Variants in LRBA observed in about 807,000 individuals in gnomAD.
LRBA encodes the protein lipopolysaccharide-responsive and beige-like anchor protein.
LRBA carries 176 observed loss-of-function variants against 330.0 expected under a neutral mutation model. The ratio of observed to expected loss-of-function variants is 0.53; its 90% CI spans 0.47 to 0.60. LRBA has a LOEUF of 0.60. Ranked by LOEUF, LRBA falls within the 20% of genes least tolerant of loss-of-function variation. The probability of loss-of-function intolerance (pLI) is 0.00; values close to 1 mark genes in which losing one functional copy is unlikely to be tolerated. For synonymous variants in LRBA, 1,230 were observed against 1,193.0 expected (o/e 1.03, Z -0.64); for missense variants, 3,259 against 3,444.8 (o/e 0.95, Z 1.35).
rs182578963 is a variant in LRBA, at chr4:150,832,619, A to C, written c.4570-643T>G. Among the ~76,000 whole-genome samples, 298 of 152,312 alleles carry C rather than the reference A, an allele frequency of 2.0e-3. 3 individuals are homozygous for C. Among genetic ancestry groups the C allele is most frequent in the African/African-American group, 6.8e-3 (281 of 41,576 alleles). On this transcript the variant is annotated intron_variant, in intron 28 of 56. Transcript: ENST00000651943. ...TATCTCAATCAAGCAATCAATCAAT[A>C]AATAAATAAACAATGATATGAGGAT...
chr4:150,963,485 T>C (rs1445989288), intron 2 of LRBA, among the ~76,000 whole-genome samples: 2 of 149,602 alleles, frequency 1.3e-5, no homozygotes, highest in Non-Finnish European at 2.9e-5. Flanking sequence ...GTTCACTCAG[T>C]GCTCAATGGT....
intron 11 of LRBA, among the ~76,000 whole-genome samples, chr4:150,907,910 A>C (rs1046957079): frequency 1.2e-4 from 18 of 152,148 alleles, no homozygotes; most frequent in African/African-American, 4.3e-4. Context: ...TTCCAATTAC[A>C]TAAATGCAAT....
In LRBA at chr4:150,897,753, G is replaced by T. The variant is rs1454792099; in HGVS notation, c.1990C>A (p.Gln664Lys). The T allele has an allele frequency of 1.2e-6, 2 of 1,611,038 alleles. No homozygotes were observed. Among genetic ancestry groups the T allele is most frequent in the Admixed American group, 3.3e-5 (2 of 59,960 alleles). The change falls in exon 15 of 57, where the codon CAA (glutamine) becomes AAA (lysine). Residue 664 changes from glutamine to lysine, a missense_variant. Coordinates refer to ENST00000651943, the MANE Select transcript of LRBA (RefSeq NM_001364905.1). ...CGTGAACTCACCTTCATCACTAATT[G>T]CTTAATGAACATCAACAAGAATGCT... ...LRAFLLMFIK[Q>K]LVMKDSGVKE...
At chr4:150,576,288 G>T (rs184790028) in intron 40 of LRBA, among the ~76,000 whole-genome samples, 1 of 151,580 alleles carries the variant, frequency 6.6e-6, no homozygotes, top group East Asian at 1.9e-4. Flanking sequence ...GTAAATAAAA[G>T]AATGTAGTGT....
rs551421759 is a variant in LRBA at position 150,318,159 on chromosome 4, A to G, written c.7631-2536T>C. ...TTTATGACCACCTCTCCCCTCTTTCATTAGAGCAGGAAAGTTGGGACCTGG... is the reference window on the plus strand; with the variant it reads ...TTTATGACCACCTCTCCCCTCTTTCGTTAGAGCAGGAAAGTTGGGACCTGG... On this transcript the variant is annotated intron_variant, in intron 50 of 56. Transcript: ENST00000651943. Among the ~76,000 whole-genome samples, 31 of 152,210 alleles carry G rather than the reference A, an allele frequency of 2.0e-4. No homozygotes were observed. In the East Asian group the frequency reaches 6.0e-3, roughly 29 times the overall value.
intron 54 of LRBA, among the ~76,000 whole-genome samples, chr4:150,284,962 T>A (rs924737798): frequency 6.6e-6 from 1 of 152,238 alleles, no homozygotes; most frequent in Non-Finnish European, 1.5e-5. Flanking sequence ...ACCTGTAATA[T>A]ATAATAGGTT....
intron 44 of LRBA, among the ~76,000 whole-genome samples, chr4:150,458,288 C>T (rs1489243376): frequency 6.6e-6 from 1 of 151,884 alleles, no homozygotes; most frequent in Non-Finnish European, 1.5e-5. Flanking sequence ...TGCCTTATAA[C>T]ATCCATATAC....
intron 37 of LRBA, among the ~76,000 whole-genome samples, chr4:150,600,613 T>A (rs1004084011): frequency 6.6e-6 from 1 of 152,006 alleles, no homozygotes; most frequent in Non-Finnish European, 1.5e-5. Flanking sequence ...GTAATCAAAA[T>A]GTAATACAAA....
intron 4 of LRBA, among the ~76,000 whole-genome samples, chr4:150,922,018 C>T (rs371392864): frequency 4.3e-4 from 65 of 152,018 alleles, no homozygotes; most frequent in Admixed American, 1.1e-3. Flanking sequence ...CCACTGTGCC[C>T]GGCCTATATT....
At chr4:150,419,354 C>G (rs989943819) in intron 46 of LRBA, among the ~76,000 whole-genome samples, 3 of 152,034 alleles carry the variant, frequency 2.0e-5, no homozygotes, top group Non-Finnish European at 2.9e-5. Context: ...CCATATGTAT[C>G]TTAGACAATA....
chr4:150,749,800 A>G (rs1417759817), intron 35 of LRBA, among the ~76,000 whole-genome samples: 2 of 152,106 alleles, frequency 1.3e-5, no homozygotes, highest in African/African-American at 4.8e-5. Context: ...TGTAAGTTAT[A>G]TCATGCCACT....
At chr4:150,974,648 C>T (rs905589341) in intron 2 of LRBA, among the ~76,000 whole-genome samples, 3 of 152,130 alleles carry the variant, frequency 2.0e-5, no homozygotes, top group Admixed American at 6.5e-5. Context: ...TAAATAGAAG[C>T]GCTGGCTACA....
rs115894255 is a variant in LRBA at position 150,905,904 on chromosome 4, G to T, written c.1689C>A (p.Pro563=). ...CGTGATCACACAATTGCTTGAGCAGGGGCATCCCATTCTGCAGATTACTCA... is the reference window on the plus strand; with the variant it reads ...CGTGATCACACAATTGCTTGAGCAGTGGCATCCCATTCTGCAGATTACTCA... ...KYLSNLQNGM[P]LLKQLCDHVL... The change falls in exon 13 of 57, where the codon CCC becomes CCA. Residue 563 remains proline, a synonymous_variant. Coordinates refer to ENST00000651943, the MANE Select transcript of LRBA (RefSeq NM_001364905.1). 7.3e-4 allele frequency: 1,177 copies of T among 1,613,562 alleles called. 10 individuals carry two copies. The African/African-American group carries it at 0.014, about 19-fold the overall frequency.
At chr4:150,562,196 C>G (rs1768443101) in intron 40 of LRBA, among the ~76,000 whole-genome samples, 1 of 152,190 alleles carries the variant, frequency 6.6e-6, no homozygotes, top group Non-Finnish European at 1.5e-5. Context: ...TTACCCTTGT[C>G]TACAAATCTA....
At chr4:150,749,100 A>G (rs549402911) in intron 35 of LRBA, among the ~76,000 whole-genome samples, 30 of 152,274 alleles carry the variant, frequency 2.0e-4, no homozygotes, top group African/African-American at 7.0e-4. Flanking sequence ...CTTACATCAT[A>G]TATAAAATTA....
chr4:150,277,498 T>G (rs1456442972), intron 56 of LRBA, among the ~76,000 whole-genome samples: 5 of 152,140 alleles, frequency 3.3e-5, no homozygotes, highest in Non-Finnish European at 5.9e-5. Context: ...TTCTGTCTAT[T>G]CCTTGAGAAC....
Position 150,490,957 on chromosome 4 carries a change from A to G in LRBA, c.6409T>C (p.Leu2137=). ...AAGATCTCCAGGGCTGTATTTTGCA[A>G]AAGATAACGACGAGAAAAGATTGAT... ...IRSIFSRRYL[L]QNTALEIFMA... The change falls in exon 41 of 57, where the codon TTG becomes CTG. Residue 2137 remains leucine, a synonymous_variant. Transcript: ENST00000651943. 4 of 1,609,964 alleles carry G rather than the reference A, an allele frequency of 2.5e-6. No homozygotes were observed. The South Asian group carries it at 3.3e-5, about 13-fold the overall frequency.
chr4:150,629,966 G>A (rs1187776194), intron 37 of LRBA, among the ~76,000 whole-genome samples: 4 of 152,040 alleles, frequency 2.6e-5, no homozygotes, highest in Non-Finnish European at 4.4e-5. Context: ...GCAAAACTCA[G>A]TATCAAAAAA....
At chr4:150,763,847 G>T (rs188444979) in intron 34 of LRBA, among the ~76,000 whole-genome samples, 2 of 152,038 alleles carry the variant, frequency 1.3e-5, no homozygotes, top group African/African-American at 4.8e-5. Context: ...GGCAGAAGCA[G>T]CTTAGGATTT....
Sources: allele counts gnomAD v4.1 joint callset (sites outside exome capture counted in the v4.1 genomes callset), GRCh38; gene constraint gnomAD v4.1.1; transcripts MANE v1.5; gene names NCBI Gene and HGNC (gene_info 2026-07-23, HGNC 2026-07-21).